The following SCEL variants were observed in gnomAD, a reference collection of about 807,000 sequenced individuals.
SCEL encodes the protein sciellin.
In SCEL, 113 loss-of-function variants were observed where a neutral mutation model predicts 117.6. That is an observed-to-expected ratio of 0.96 (90% CI 0.83 to 1.12). The LOEUF is 1.12. SCEL is among the 50% of genes most tolerant of loss of function. SCEL has a pLI of 0.00. For synonymous variants in SCEL, 270 were observed against 256.2 expected (o/e 1.05, Z -0.51); for missense variants, 785 against 810.8 (o/e 0.97, Z 0.39).
At position 77,602,099 on chromosome 13, in the gene SCEL, CAA is replaced by C; in HGVS notation, c.954_955del (p.Arg319AspfsTer2). On this transcript the variant is annotated frameshift_variant, in exon 16 of 33. Transcript: ENST00000349847. LOFTEE classifies it high-confidence loss of function. ...QSLGSPIKVNQRTDKNEKGRQ... is the reference protein window; with the variant it reads ...QSLGSPIKVNXRTDKNEKGRQ... ...CCTTGGAAGTCCGATTAAAGTTAATCAAAGGACTGACAAAAATGAGAAAGGGT... is the reference window on the plus strand; with the variant it reads ...CCTTGGAAGTCCGATTAAAGTTAATCAGGACTGACAAAAATGAGAAAGGGT... 2 of 1,611,436 alleles carry C rather than the reference CAA, an allele frequency of 1.2e-6. No homozygotes were observed.
chr13:77,595,496 C>T (rs1376263887), intron 12 of SCEL, among the ~76,000 whole-genome samples: 1 of 152,078 alleles, frequency 6.6e-6, no homozygotes, highest in Non-Finnish European at 1.5e-5. Flanking sequence ...ATTTAATTTG[C>T]CACAGAGTGT....
intron 4 of SCEL, among the ~76,000 whole-genome samples, chr13:77,560,259 T>G (rs1237837474): frequency 9.2e-6 from 1 of 108,186 alleles, no homozygotes; most frequent in African/African-American, 3.5e-5. Context: ...GGCCAGACCC[T>G]GCCTCTAAAA....
At chr13:77,631,676 A>T (rs192372921) in intron 28 of SCEL, among the ~76,000 whole-genome samples, 1 of 151,898 alleles carries the variant, frequency 6.6e-6, no homozygotes, top group African/African-American at 2.4e-5. Context: ...CAAAGTCTAC[A>T]TGAGGAGCAA....
rs1310335131 is a variant in SCEL at position 77,617,648 on chromosome 13, A to G, written c.1501A>G (p.Asn501Asp). The G allele has an allele frequency of 7.5e-6, 12 of 1,594,368 alleles. No homozygotes were observed. Among genetic ancestry groups the G allele is most frequent in the Non-Finnish European group, 9.4e-6 (11 of 1,167,250 alleles). Residue 501 changes from asparagine (N) to aspartate (D), a missense_variant, in exon 25 of 33, where the codon AAC becomes GAC. Physicochemically the swap from Asn to Asp is conservative, Grantham distance 23 (BLOSUM62 1). Coordinates refer to ENST00000349847, the MANE Select transcript of SCEL (RefSeq NM_144777.3). Reference sequence around the variant, plus strand: ...CAAGGTGAATCCTGAAATTTTCACAAACAACCAAAGGTAATAAAACTATGT... The same window carrying G: ...CAAGGTGAATCCTGAAATTTTCACAGACAACCAAAGGTAATAAAACTATGT... ...LIKVNPEIFT[N>D]NQRNQDLANL...
intron 21 of SCEL, 59 bp downstream of exon 21, chr13:77,609,176 T>A: frequency 1.5e-6 from 2 of 1,292,094 alleles, no homozygotes; most frequent in Non-Finnish European, 1.1e-6. Context: ...AAAGTATAAT[T>A]AAAGCATCAT....
At chr13:77,566,757 C>G (rs1223173628) in intron 5 of SCEL, among the ~76,000 whole-genome samples, 1 of 152,022 alleles carries the variant, frequency 6.6e-6, no homozygotes, top group Admixed American at 6.6e-5. Flanking sequence ...ATTTTAATGC[C>G]GCCATATTTA....
At position 77,612,046 on chromosome 13, in the gene SCEL, A is replaced by G. The variant is rs79003255; in HGVS notation, c.1338-845A>G. On this transcript the variant is annotated intron_variant, in intron 22 of 32. Coordinates refer to ENST00000349847, the MANE Select transcript of SCEL (RefSeq NM_144777.3). ...GCAATTTTAAACAGTTCAATGTAAT[A>G]GAATATAGTAATTTACATGGAAGGA... 1.5e-3 allele frequency among the ~76,000 whole-genome samples: 221 copies of G among 152,328 alleles called. 1 individual carries two copies. The highest frequency in any genetic ancestry group is 5.2e-3 in the African/African-American group (218 of 41,594).
intron 30 of SCEL, 55 bp downstream of exon 30, chr13:77,637,249 CACAT>C (rs1246947742): frequency 2.9e-4 from 164 of 564,456 alleles, no homozygotes; most frequent in Middle Eastern, 4.9e-4. Flanking sequence ...GACACACACA[CACAT>C]ATATATATAT....
At chr13:77,607,803 T>A (rs1283896393) in intron 19 of SCEL, among the ~76,000 whole-genome samples, 1 of 152,224 alleles carries the variant, frequency 6.6e-6, no homozygotes, top group Non-Finnish European at 1.5e-5. Flanking sequence ...CCTAGTGCAA[T>A]ACTTGCTAGC....
intron 27 of SCEL, among the ~76,000 whole-genome samples, chr13:77,619,806 C>A (rs754396354): frequency 2.0e-5 from 3 of 152,138 alleles, no homozygotes; most frequent in Non-Finnish European, 4.4e-5. Context: ...GGTTCAATAA[C>A]CATGTTATGT....
intron 27 of SCEL, among the ~76,000 whole-genome samples, chr13:77,619,473 C>T (rs1432102476): frequency 6.6e-6 from 1 of 152,210 alleles, no homozygotes; most frequent in African/African-American, 2.4e-5. Flanking sequence ...AACAAAGGAT[C>T]TGTGGTTAAA....
At chr13:77,608,231 C>T (rs2088371175) in intron 20 of SCEL, 116 bp downstream of exon 20, 1 of 680,250 alleles carries the variant, frequency 1.5e-6, no homozygotes, top group Non-Finnish European at 2.5e-6. Flanking sequence ...AACCCCATTA[C>T]TTACCAGCTT....
At position 77,603,484 on chromosome 13, in the gene SCEL, A is replaced by G. The variant is rs577079418; in HGVS notation, c.1097+349A>G. Among the ~76,000 whole-genome samples, 63 of 152,212 alleles carry G rather than the reference A, an allele frequency of 4.1e-4. No homozygotes were observed. In the East Asian group the frequency reaches 9.3e-3, roughly 22 times the overall value. ...GTGGCCAAGAGTGAGCCATCATTGG[A>G]GCTCTGGTAATTCAGCTCCTCTAAG... On this transcript the variant is annotated intron_variant, in intron 18 of 32. Coordinates refer to ENST00000349847, the MANE Select transcript of SCEL (RefSeq NM_144777.3).
intron 4 of SCEL, among the ~76,000 whole-genome samples, chr13:77,563,365 G>A (rs1353915092): frequency 6.6e-6 from 1 of 151,962 alleles, no homozygotes; most frequent in Non-Finnish European, 1.5e-5. Flanking sequence ...CCACGGTGCT[G>A]AATATTAAAC....
At chr13:77,541,984 C>T (rs2083725672) in intron 1 of SCEL, among the ~76,000 whole-genome samples, 1 of 152,160 alleles carries the variant, frequency 6.6e-6, no homozygotes, top group African/African-American at 2.4e-5. Context: ...TGATGGGGCT[C>T]AGGTGATAGA....
intron 15 of SCEL, 132 bp downstream of exon 15, chr13:77,599,880 G>A: frequency 1.5e-6 from 1 of 665,850 alleles, no homozygotes; most frequent in East Asian, 2.7e-5. Context: ...TCCAGGGATA[G>A]TGTGTATCTT....
At chr13:77,570,861 T>C (rs537588983) in intron 8 of SCEL, among the ~76,000 whole-genome samples, 2 of 152,202 alleles carry the variant, frequency 1.3e-5, no homozygotes, top group South Asian at 2.1e-4. Context: ...TTTTTCTTTT[T>C]TCTTTTTCTT....
At chr13:77,583,604 A>T (rs1306741200) in intron 9 of SCEL, among the ~76,000 whole-genome samples, 2 of 152,224 alleles carry the variant, frequency 1.3e-5, no homozygotes, top group African/African-American at 4.8e-5. Context: ...ATAGATTCGC[A>T]GTGAAAATAC....
At chr13:77,537,312 A>G (rs1468316673) in intron 1 of SCEL, among the ~76,000 whole-genome samples, 3 of 152,246 alleles carry the variant, frequency 2.0e-5, no homozygotes, top group African/African-American at 7.2e-5. Context: ...ATGTTAAGCA[A>G]CTTGTGAAGA....
Sources: gnomAD v4.1 joint callset for allele counts (sites outside exome capture counted in the v4.1 genomes callset) on GRCh38, gnomAD v4.1.1 for gene constraint, MANE v1.5 for transcripts, NCBI Gene and HGNC (gene_info 2026-07-23, HGNC 2026-07-21) for gene names.